The following KLHL26 variants were observed in gnomAD, a reference collection of about 807,000 sequenced individuals.
The protein encoded by KLHL26 is kelch-like protein 26.
A neutral mutation model predicts 7.1 loss-of-function variants in KLHL26; 4 were observed. The observed-to-expected ratio is 0.56, with a 90% CI of 0.28 to 1.28. KLHL26 has a LOEUF of 1.28. KLHL26 is among the 50% of genes most tolerant of loss of function. The pLI, the probability that KLHL26 is intolerant of heterozygous loss-of-function variation, is 0.11. For missense variants in KLHL26, 896 were observed against 924.6 expected (o/e 0.97, Z 0.40); for synonymous variants, 465 against 414.1 (o/e 1.12, Z -1.49).
In KLHL26 at chr19:18,668,137, T is replaced by G; in HGVS notation, c.740T>G (p.Val247Gly). ...GCCCGGCGGCCGCGCGCCAGCCACG[T>G]GCTCTGCCACATTCGCTTCCCGCTC... is the stretch of plus-strand genomic sequence containing the variant. ...DPARRPRASH[V>G]LCHIRFPLMQ... The change falls in exon 3 of 3, where the codon GTG becomes GGG. Residue 247 changes from valine to glycine, a missense_variant. Coordinates refer to ENST00000300976, the MANE Select transcript of KLHL26 (RefSeq NM_018316.3). The G allele has an allele frequency of 1.9e-6, 3 of 1,605,378 alleles. No homozygotes were observed. Among genetic ancestry groups the G allele is most frequent in the Non-Finnish European group, 2.5e-6 (3 of 1,178,828 alleles).
intron 1 of KLHL26, 81 bp downstream of exon 1, chr19:18,637,218 GT>G: frequency 8.2e-7 from 1 of 1,222,462 alleles, no homozygotes. Context: ...GTCCTGAGGG[GT>G]TGAGGGGAGG....
intron 1 of KLHL26, among the ~76,000 whole-genome samples, chr19:18,652,211 C>T (rs1042565285): frequency 3.9e-5 from 6 of 152,056 alleles, no homozygotes; most frequent in African/African-American, 9.7e-5. Context: ...GAGGGCTTCG[C>T]GGTGGATCCT....
intron 1 of KLHL26, among the ~76,000 whole-genome samples, chr19:18,655,620 G>A (rs905155001): frequency 1.4e-5 from 2 of 147,624 alleles, no homozygotes; most frequent in Admixed American, 6.8e-5. Flanking sequence ...CCCTCGGTCC[G>A]TGAAGACTGT....
intron 1 of KLHL26, among the ~76,000 whole-genome samples, chr19:18,651,910 G>C (rs1025735816): frequency 7.2e-5 from 11 of 152,262 alleles, no homozygotes; most frequent in African/African-American, 2.7e-4. Context: ...GGGATGGGCT[G>C]TGGCAGAAGC....
chr19:18,648,830 C>A lies in KLHL26; in HGVS notation c.83+11693C>A, dbSNP rs560250408. 2.0e-5 allele frequency among the ~76,000 whole-genome samples: 3 copies of A among 152,246 alleles called. No homozygotes were observed. In the East Asian group the frequency reaches 5.8e-4, roughly 29 times the overall value. On this transcript the variant is annotated intron_variant, in intron 1 of 2. Transcript: ENST00000300976. This position sits in a 1 kb window ranked among gnomAD's most constrained non-coding sequence, Gnocchi z 4.9. The stretch of plus-strand genomic sequence containing the variant: ...TTCGAGCCACAGCCTGGAGCCAGCT[C>A]CTCCTGCTCTCTCCTCCCCATCCCA...
At chr19:18,647,879 CCA>C (rs977922307) in intron 1 of KLHL26, among the ~76,000 whole-genome samples, 4 of 152,204 alleles carry the variant, frequency 2.6e-5, no homozygotes, top group African/African-American at 9.6e-5. Flanking sequence ...TGTGCAGGTG[CCA>C]CAGTCTCCTG....
chr19:18,665,160 G>T (rs1230270589), intron 2 of KLHL26, among the ~76,000 whole-genome samples: 1 of 150,824 alleles, frequency 6.6e-6, no homozygotes, highest in Non-Finnish European at 1.5e-5. Context: ...GGGTTCAAGC[G>T]ATTCTCCTGC....
rs1011574339 is a variant in KLHL26, at chr19:18,669,697, G to A, written c.*452G>A. On this transcript the variant is annotated 3_prime_UTR_variant, in exon 3 of 3. Transcript: ENST00000300976. The stretch of plus-strand genomic sequence containing the variant: ...CACCCTCCTTCCAAGTCTCCTGCGC[G>A]CGTGTTTTTAAAATAAACTCACCCG... 5 of 227,032 alleles carry A rather than the reference G, an allele frequency of 2.2e-5. No homozygotes were observed. The highest frequency in any genetic ancestry group is 6.8e-5 in the African/African-American group (3 of 44,284). The allele number at this position is 227,032 out of a possible 1,614,324, so 14.1% of individuals were successfully genotyped here.
Position 18,637,127 on chromosome 19 carries a change from C to A in KLHL26, c.73C>A (p.Arg25Ser). 7.4e-7 allele frequency: 1 copy of A among 1,352,498 alleles called. No individual in the cohort carries two copies. Among genetic ancestry groups the A allele is most frequent in the Non-Finnish European group, 9.5e-7 (1 of 1,054,060 alleles). 83.8% of individuals were successfully genotyped at this position (1,352,498 alleles called of 1,614,324 possible). A position where few individuals can be genotyped will look rare whatever the true frequency, so the allele number is the denominator to read the frequency against. ...TTTCGGCGCGGGCCCGGGCCCCGAG[C>A]GCCCGAACAGGTGAGACCCGGCCCG... is the stretch of plus-strand genomic sequence containing the variant. ...GAFGAGPGPE[R>S]PNSTADKNGA... is the part of the protein sequence containing the mutation. Residue 25 changes from arginine (R) to serine (S), a missense_variant, in exon 1 of 3, where the codon CGC (arginine) becomes AGC (serine). Transcript: ENST00000300976.
intron 2 of KLHL26, 143 bp from the exon 3 acceptor site, chr19:18,667,521 T>C: frequency 7.2e-7 from 1 of 1,393,628 alleles, no homozygotes; most frequent in Non-Finnish European, 9.5e-7. Context: ...ATGTTTTTAA[T>C]GAGCATTCCG....
chr19:18,651,236 C>T (rs1568457379), intron 1 of KLHL26, among the ~76,000 whole-genome samples: 1 of 152,154 alleles, frequency 6.6e-6, no homozygotes, highest in East Asian at 1.9e-4. Flanking sequence ...CCTCACCTTG[C>T]CACTCCACTA....
At position 18,668,063 on chromosome 19, in the gene KLHL26, C is replaced by CAT; in HGVS notation, c.666_667insAT (p.Glu223MetfsTer128). On this transcript the variant is annotated frameshift_variant, in exon 3 of 3. Transcript: ENST00000300976. LOFTEE classifies it low-confidence loss of function (END_TRUNC). ...AGAGCAACCGGCTGCAGAGCTGTGC[C>CAT]GAGATCGACCTGTTCCGCGCGGCCG... 2 of 1,607,260 alleles carry CAT rather than the reference C, an allele frequency of 1.2e-6. No homozygotes were observed. The highest frequency in any genetic ancestry group is 2.2e-5 in the South Asian group (2 of 91,088).
chr19:18,668,424 G>A lies in KLHL26; in HGVS notation c.1027G>A (p.Glu343Lys), dbSNP rs1309809070. The A allele has an allele frequency of 6.2e-6, 10 of 1,611,254 alleles. No homozygotes were observed. The highest frequency in any genetic ancestry group is 8.5e-6 in the Non-Finnish European group (10 of 1,179,670). ...LPEPGARHFR[E>K]LTEMEVGCSH... Reference sequence around the variant, plus strand: ...TGAGCCGGGAGCCCGCCACTTCCGCGAGCTCACGGAGATGGAGGTAGGCTG... The same window carrying A: ...TGAGCCGGGAGCCCGCCACTTCCGCAAGCTCACGGAGATGGAGGTAGGCTG... The change falls in exon 3 of 3, where the codon GAG becomes AAG. Residue 343 changes from glutamate to lysine, a missense_variant. Physicochemically the swap from Glu to Lys is moderately conservative, Grantham distance 56. Coordinates refer to ENST00000300976, the MANE Select transcript of KLHL26 (RefSeq NM_018316.3).
At position 18,656,979 on chromosome 19, in the gene KLHL26, G is replaced by A. The variant is rs2052340834; in HGVS notation, c.84-7282G>A. ...TCTCTCCCTGGGTCTCTGTCTCCCT[G>A]TCTCTGGGTCTCTGTCCTTCTGTCT... On this transcript the variant is annotated intron_variant, in intron 1 of 2. Transcript: ENST00000300976. This position sits in a 1 kb window ranked among gnomAD's most constrained non-coding sequence, Gnocchi z 4.4. 6.6e-6 allele frequency among the ~76,000 whole-genome samples: 1 copy of A among 151,690 alleles called. No individual in the cohort carries two copies. The highest frequency in any genetic ancestry group is 6.6e-5 in the Admixed American group (1 of 15,262).
chr19:18,653,463 C>T (rs1280185351), intron 1 of KLHL26, among the ~76,000 whole-genome samples: 4 of 134,948 alleles, frequency 3.0e-5, no homozygotes, highest in African/African-American at 1.1e-4. Context: ...CATCCACCTG[C>T]CCTTCCATCC....
At chr19:18,639,377 A>G (rs1032863599) in intron 1 of KLHL26, among the ~76,000 whole-genome samples, 15 of 143,672 alleles carry the variant, frequency 1.0e-4, no homozygotes, top group Admixed American at 2.1e-4. Flanking sequence ...CACCCAGCCA[A>G]TTCACTCATT....
chr19:18,665,308 A>G (rs973805872), intron 2 of KLHL26, among the ~76,000 whole-genome samples: 1 of 151,716 alleles, frequency 6.6e-6, no homozygotes, highest in Admixed American at 6.6e-5. Context: ...CACCTGCCTC[A>G]GCCTCCCAAA....
At chr19:18,645,954 C>T (rs1264149029) in intron 1 of KLHL26, among the ~76,000 whole-genome samples, 1 of 152,050 alleles carries the variant, frequency 6.6e-6, no homozygotes, top group Non-Finnish European at 1.5e-5. Flanking sequence ...GTGGCCTTTG[C>T]CTGTTGAAGC....
chr19:18,655,484 G>A (rs182217038), intron 1 of KLHL26, among the ~76,000 whole-genome samples: 297 of 152,314 alleles, frequency 1.9e-3, no homozygotes, highest in Middle Eastern at 6.8e-3. Flanking sequence ...GTATAACTTT[G>A]GGCCAGTGGC....
Sources: gnomAD v4.1 joint callset for allele counts (sites outside exome capture counted in the v4.1 genomes callset) on GRCh38, gnomAD v4.1.1 for gene constraint, Gnocchi (gnomAD v3.1) non-coding constraint, MANE v1.5 for transcripts, NCBI Gene and HGNC (gene_info 2026-07-23, HGNC 2026-07-21) for gene names.